ITGAX: variants seen among roughly 807,000 people sequenced by gnomAD.
The protein encoded by ITGAX is integrin alpha-X.
ITGAX carries 99 observed loss-of-function variants against 140.2 expected under a neutral mutation model. The observed-to-expected ratio is 0.71, with a 90% CI of 0.60 to 0.83. The LOEUF (loss-of-function observed/expected upper bound fraction) is 0.83. Among genes scored for constraint, ITGAX ranks in the 40% least tolerant of loss-of-function variants. ITGAX has a pLI of 0.00. For missense variants in ITGAX, 1,444 were observed against 1,482.0 expected, an observed-to-expected ratio of 0.97 and a Z score of 0.42; for synonymous variants, 631 against 600.4, an observed-to-expected ratio of 1.05 and a Z score of -0.75.
rs148255116 is a variant in ITGAX at position 31,371,091 on chromosome 16, C to A, written c.1718C>A (p.Ala573Glu). The A allele has an allele frequency of 6.2e-7, 1 of 1,614,014 alleles. No homozygotes were observed. The highest frequency in any genetic ancestry group is 8.5e-7 in the Non-Finnish European group (1 of 1,180,020). ...CTTCTCTCCTCTGGCCAGCGGATCG[C>A]GGGCTCCCAGCTCTCCTCCAGGCTG... is the stretch of plus-strand genomic sequence containing the variant. ...SISPSHSQRI[A>E]GSQLSSRLQY... Residue 573 changes from alanine (A) to glutamate (E), a missense_variant, in exon 15 of 30, where the codon GCG becomes GAG. Transcript: ENST00000268296.
chr16:31,366,044 G>A (rs1232188501), intron 14 of ITGAX, among the ~76,000 whole-genome samples: 2 of 152,324 alleles, frequency 1.3e-5, no homozygotes, highest in Non-Finnish European at 2.9e-5. Context: ...CAAACAGTTC[G>A]TACCAATTCC....
chr16:31,357,911 G>A (rs1398176399), intron 5 of ITGAX: 4 of 196,270 alleles, frequency 2.0e-5, no homozygotes, highest in African/African-American at 9.3e-5. Flanking sequence ...GTGTGTGCGT[G>A]TGCACATGCA....
chr16:31,363,126 G>T (rs1435555696), intron 13 of ITGAX, 39 bp from the exon 14 acceptor site: 1 of 1,606,478 alleles, frequency 6.2e-7, no homozygotes, highest in East Asian at 2.2e-5. Flanking sequence ...GGGTGGAGGG[G>T]TTGCCCGGGT....
intron 14 of ITGAX, among the ~76,000 whole-genome samples, chr16:31,364,084 G>C (rs1233742738): frequency 6.6e-6 from 1 of 152,156 alleles, no homozygotes; most frequent in African/African-American, 2.4e-5. Flanking sequence ...CCCTGAGAAC[G>C]AAGGGCTGCT....
chr16:31,360,551 A>G, intron 8 of ITGAX, 88 bp downstream of exon 8: 1 of 1,279,750 alleles, frequency 7.8e-7, no homozygotes, highest in Non-Finnish European at 1.1e-6. Context: ...TCTTTGAGAC[A>G]GGGTCTTGCT....
chr16:31,381,306 G>A (rs1169222977), intron 29 of ITGAX, among the ~76,000 whole-genome samples: 3 of 152,120 alleles, frequency 2.0e-5, no homozygotes, highest in South Asian at 2.1e-4. Flanking sequence ...ATCACCACGG[G>A]TTCTTTTTGT....
At chr16:31,380,852 T>C in intron 28 of ITGAX, 45 bp from the exon 29 acceptor site, 2 of 1,535,134 alleles carry the variant, frequency 1.3e-6, no homozygotes, top group Non-Finnish European at 1.8e-6. Context: ...GAGTCTGGGA[T>C]AGTAGGAGGA....
At position 31,362,708 on chromosome 16, in the gene ITGAX, G is replaced by C. The variant is rs1252901202; in HGVS notation, c.1314G>C (p.Gln438His). The C allele has an allele frequency of 4.3e-6, 7 of 1,613,842 alleles. No individual in the cohort carries two copies. Among genetic ancestry groups the C allele is most frequent in the Non-Finnish European group, 5.9e-6 (7 of 1,179,912 alleles). ...CCGGGAAGGCTGTCATCTTCACCCA[G>C]GTGTCCAGGCAATGGAGGATGAAGG... ...QHTGKAVIFT[Q>H]VSRQWRMKAE... Residue 438 changes from glutamine to histidine, a missense_variant, in exon 12 of 30, where the codon CAG (glutamine) becomes CAC (histidine). By Grantham distance (24) the Gln-to-His change is conservative. Transcript: ENST00000268296.
At position 31,377,009 on chromosome 16, in the gene ITGAX, T is replaced by C. The variant is rs1288202425; in HGVS notation, c.2635T>C (p.Leu879=). ...AGTTCCTTTTCCTCAGATCACCTTCTTGGCTACCTTTGACGTCTCCCCCAA... is the reference window on the plus strand; with the variant it reads ...AGTTCCTTTTCCTCAGATCACCTTCCTGGCTACCTTTGACGTCTCCCCCAA... ...IFRGGAQITF[L]ATFDVSPKAV... The change falls in exon 22 of 30, where the codon TTG becomes CTG. Residue 879 remains leucine, a synonymous_variant. Transcript: ENST00000268296. 1 of 1,614,100 alleles carries C rather than the reference T, an allele frequency of 6.2e-7. No homozygotes were observed. Among genetic ancestry groups the C allele is most frequent in the African/African-American group, 1.3e-5 (1 of 74,942 alleles).
rs369895300 is a variant in ITGAX at position 31,355,208 on chromosome 16, C to T, written c.-47C>T. 1.1e-5 allele frequency: 18 copies of T among 1,610,998 alleles called. No homozygotes were observed. The East Asian group carries it at 3.6e-4, about 32-fold the overall frequency. ...TCCTCAGTACCTTGGTCCAGCTCTTCCTGCAACGGCCCAGGAGCTCAGAGC... is the reference window on the plus strand; with the variant it reads ...TCCTCAGTACCTTGGTCCAGCTCTTTCTGCAACGGCCCAGGAGCTCAGAGC... On this transcript the variant is annotated 5_prime_UTR_variant, in exon 1 of 30. Coordinates refer to ENST00000268296, the MANE Select transcript of ITGAX (RefSeq NM_000887.5).
At chr16:31,362,479 TG>T in intron 11 of ITGAX, 131 bp from the exon 12 acceptor site, 3 of 1,024,842 alleles carry the variant, frequency 2.9e-6, no homozygotes, top group Non-Finnish European at 3.8e-6. Flanking sequence ...GGAGAGAGGA[TG>T]GGGGCTGCAT....
Position 31,376,888 on chromosome 16 carries a change from C to T in ITGAX, c.2598C>T (p.Asn866=). Residue 866 remains asparagine, a synonymous_variant, in exon 21 of 30, where the codon AAC becomes AAT. Coordinates refer to ENST00000268296, the MANE Select transcript of ITGAX (RefSeq NM_000887.5). ...CCTGGAGCACCAGCTGCAGAATCAA[C>T]CACCTCATCTTCCGTGGCGGCGCCC... ...QGTWSTSCRI[N]HLIFRGGAQI... 1 of 1,614,222 alleles carries T rather than the reference C, an allele frequency of 6.2e-7. No homozygotes were observed. Among genetic ancestry groups the T allele is most frequent in the South Asian group, 1.1e-5 (1 of 91,088 alleles).
chr16:31,381,779 TTTC>T (rs1248978834), intron 29 of ITGAX, 21 bp from the exon 30 acceptor site: 1 of 869,738 alleles, frequency 1.1e-6, no homozygotes, highest in South Asian at 1.3e-5. Flanking sequence ...GCTTCCTGAG[TTTC>T]TTCTTCGTCC....
chr16:31,380,713 T>C (rs1449084655), intron 28 of ITGAX, 89 bp downstream of exon 28: 1 of 1,514,060 alleles, frequency 6.6e-7, no homozygotes, highest in Non-Finnish European at 9.1e-7. Context: ...TTGCAAGCCT[T>C]GGGGGAGGAG....
Position 31,357,036 on chromosome 16 carries a change from C to T in ITGAX, c.253C>T (p.Pro85Ser), listed in dbSNP as rs1168901182. 1 of 1,609,232 alleles carries T rather than the reference C, an allele frequency of 6.2e-7. No individual in the cohort carries two copies. Among genetic ancestry groups the T allele is most frequent in the East Asian group, 2.2e-5 (1 of 44,872 alleles). Residue 85 changes from proline to serine, a missense_variant, in exon 4 of 30, where the codon CCG (proline) becomes TCG (serine). Coordinates refer to ENST00000268296, the MANE Select transcript of ITGAX (RefSeq NM_000887.5). ...ACEPIGLQVP[P>S]EAVNMSLGLS... ...GCACATATCTGTCCCCACAGTGCCC[C>T]CGGAGGCCGTGAACATGTCCCTGGG... is the stretch of plus-strand genomic sequence containing the variant.
At position 31,362,765 on chromosome 16, in the gene ITGAX, C is replaced by T. The variant is rs770688748; in HGVS notation, c.1359+12C>T. ...TCACGGGGACTCAGGTTGGGCGTGA[C>T]AGGAGCCAGAGGGGAGGATGAGGGT... On this transcript the variant is annotated intron_variant, in intron 12 of 29. Coordinates refer to ENST00000268296, the MANE Select transcript of ITGAX (RefSeq NM_000887.5). 2 of 1,613,270 alleles carry T rather than the reference C, an allele frequency of 1.2e-6. No individual in the cohort carries two copies. The highest frequency in any genetic ancestry group is 1.7e-6 in the Non-Finnish European group (2 of 1,179,656).
In ITGAX at chr16:31,373,462, G is replaced by A. The variant is rs74015514; in HGVS notation, c.2508+72G>A. The A allele has an allele frequency of 2.3e-3, 3,367 of 1,481,820 alleles. 79 individuals carry two copies. The African/African-American group carries it at 0.042, about 18-fold the overall frequency. The allele number at this position is 1,481,820 out of a possible 1,614,324, so 91.8% of individuals were successfully genotyped here. A position where few individuals can be genotyped will look rare whatever the true frequency, so the allele number is the denominator to read the frequency against. On this transcript the variant is annotated intron_variant, in intron 20 of 29. Transcript: ENST00000268296. ...TAGATTCCCGTGCGGTTCAGAACCC[G>A]GGCTGGGCTTGGAGGTGGTAGTGCC...
At position 31,362,141 on chromosome 16, in the gene ITGAX, A is replaced by G. The variant is rs375007025; in HGVS notation, c.1153A>G (p.Asn385Asp). Residue 385 changes from asparagine to aspartate, a missense_variant, in exon 11 of 30, where the codon AAT (asparagine) becomes GAT (aspartate). Coordinates refer to ENST00000268296, the MANE Select transcript of ITGAX (RefSeq NM_000887.5). ...TGGAGGTGCCTTCCTGTACCCCCCA[A>G]ATATGAGCCCTACCTTCATCAACAT... ...WSGGAFLYPP[N>D]MSPTFINMSQ... 1.9e-5 allele frequency: 31 copies of G among 1,613,966 alleles called. No individual in the cohort carries two copies. The highest frequency in any genetic ancestry group is 2.5e-5 in the Non-Finnish European group (29 of 1,180,022).
chr16:31,362,588 G>C, intron 11 of ITGAX, 23 bp from the exon 12 acceptor site: 1 of 1,603,830 alleles, frequency 6.2e-7, no homozygotes, highest in Non-Finnish European at 8.5e-7. Context: ...GGGGGCCTTT[G>C]TGCTGAGGCC....
Sources: allele counts gnomAD v4.1 joint callset (sites outside exome capture counted in the v4.1 genomes callset), GRCh38; gene constraint gnomAD v4.1.1; transcripts MANE v1.5; gene names NCBI Gene and HGNC (gene_info 2026-07-23, HGNC 2026-07-21).